The following CHCHD3 variants were observed in gnomAD, a reference collection of about 807,000 sequenced individuals.
The protein encoded by CHCHD3 is coiled-coil-helix-coiled-coil-helix domain containing 3.
Under a neutral mutation model 38.2 loss-of-function variants are expected in CHCHD3, and 20 were observed. The observed-to-expected ratio is 0.52, with a 90% CI of 0.37 to 0.76. The LOEUF (loss-of-function observed/expected upper bound fraction) is 0.76, where lower values mean the gene tolerates loss of function less well. Among genes scored for constraint, CHCHD3 ranks in the 30% least tolerant of loss-of-function variants. CHCHD3 has a pLI of 0.00. For synonymous variants in CHCHD3, 82 were observed against 100.0 expected, an observed-to-expected ratio of 0.82 and a Z score of 1.07; for missense variants, 245 against 279.2, an observed-to-expected ratio of 0.88 and a Z score of 0.87.
intron 4 of CHCHD3, among the ~76,000 whole-genome samples, chr7:132,936,501 C>T (rs1810636021): frequency 6.6e-6 from 1 of 152,190 alleles, no homozygotes; most frequent in South Asian, 2.1e-4. Context: ...AATTTTCACA[C>T]CAGCACACCT....
chr7:132,811,300 T>G (rs2117051580), intron 6 of CHCHD3, among the ~76,000 whole-genome samples: 1 of 152,352 alleles, frequency 6.6e-6, no homozygotes, highest in East Asian at 1.9e-4. Flanking sequence ...TCTAGAACAG[T>G]GCTATCCAAC....
chr7:133,074,777 T>C (rs1814927918), intron 1 of CHCHD3, among the ~76,000 whole-genome samples: 1 of 152,188 alleles, frequency 6.6e-6, no homozygotes. Flanking sequence ...GCTATAAGCT[T>C]TCATCTGAAA....
chr7:132,938,734 G>A (rs200472763), intron 4 of CHCHD3, among the ~76,000 whole-genome samples: 11 of 152,180 alleles, frequency 7.2e-5, no homozygotes, highest in South Asian at 4.2e-4. Flanking sequence ...GTGTGTCCCC[G>A]ACACCGGCAA....
At chr7:132,905,999 C>T (rs1809795970) in intron 4 of CHCHD3, among the ~76,000 whole-genome samples, 1 of 152,152 alleles carries the variant, frequency 6.6e-6, no homozygotes, top group South Asian at 2.1e-4. Context: ...TGGCTTGATC[C>T]TTTACACATT....
chr7:132,977,808 G>A (rs11766271), intron 3 of CHCHD3, among the ~76,000 whole-genome samples: 17,954 of 151,822 alleles, frequency 0.12, 1,267 homozygotes, highest in Middle Eastern at 0.18. Flanking sequence ...ACTTATGTAT[G>A]GCTTAGATTT....
intron 4 of CHCHD3, among the ~76,000 whole-genome samples, chr7:132,923,550 T>G (rs1810309318): frequency 6.6e-6 from 1 of 152,136 alleles, no homozygotes. Flanking sequence ...TCAAAAAAAT[T>G]CATAGCAACA....
chr7:133,076,873 T>C (rs978049951), intron 1 of CHCHD3, among the ~76,000 whole-genome samples: 1 of 152,250 alleles, frequency 6.6e-6, no homozygotes, highest in Non-Finnish European at 1.5e-5. Flanking sequence ...GTTTATCTTA[T>C]CTTCTTCCAG....
chr7:132,974,077 C>A, intron 4 of CHCHD3: 1 of 1,221,076 alleles, frequency 8.2e-7, no homozygotes. Flanking sequence ...ATACAAAAGG[C>A]AGAACATTAT....
At chr7:132,799,055 T>C (rs907340668) in intron 6 of CHCHD3, among the ~76,000 whole-genome samples, 1 of 146,446 alleles carries the variant, frequency 6.8e-6, no homozygotes, top group Non-Finnish European at 1.5e-5. Flanking sequence ...GTGTGTGCAG[T>C]CATCCTCTGA....
At chr7:132,874,600 T>C (rs1022266799) in intron 5 of CHCHD3, among the ~76,000 whole-genome samples, 11 of 152,142 alleles carry the variant, frequency 7.2e-5, no homozygotes, top group African/African-American at 2.7e-4. Flanking sequence ...GACTTTCCAT[T>C]GGTGGCATGC....
chr7:132,831,105 C>G (rs1223982801), intron 6 of CHCHD3, among the ~76,000 whole-genome samples: 1 of 152,130 alleles, frequency 6.6e-6, no homozygotes, highest in South Asian at 2.1e-4. Flanking sequence ...ATATCGCATT[C>G]TTTTCTTCTT....
chr7:132,962,931 GTA>G (rs1198997257), intron 4 of CHCHD3, among the ~76,000 whole-genome samples: 2 of 152,028 alleles, frequency 1.3e-5, no homozygotes, highest in African/African-American at 4.8e-5. Flanking sequence ...AATACATCCT[GTA>G]TCCAGAGGAA....
intron 4 of CHCHD3, among the ~76,000 whole-genome samples, chr7:132,971,702 C>T (rs1289835215): frequency 6.6e-6 from 1 of 152,198 alleles, no homozygotes; most frequent in Non-Finnish European, 1.5e-5. Context: ...CTTTCACCCT[C>T]GCTCTCCTGA....
chr7:133,082,083 C>G lies in CHCHD3; in HGVS notation c.-146G>C, dbSNP rs936264076. 5 of 707,268 alleles carry G rather than the reference C, an allele frequency of 7.1e-6. No homozygotes were observed. In the Admixed American group the frequency reaches 1.3e-4, roughly 19 times the overall value. 43.8% of individuals were successfully genotyped at this position (707,268 alleles called of 1,614,324 possible). On this transcript the variant is annotated 5_prime_UTR_variant, in exon 1 of 8. Coordinates refer to ENST00000262570, the MANE Select transcript of CHCHD3 (RefSeq NM_017812.4). ...GACCCCCAGAAGCAAGGAGAAGGCG[C>G]CGGTCCTGAGCTCCCGCCTCCTCCG...
At chr7:132,953,478 G>A (rs909813197) in intron 4 of CHCHD3, among the ~76,000 whole-genome samples, 2 of 152,104 alleles carry the variant, frequency 1.3e-5, no homozygotes, top group African/African-American at 4.8e-5. Context: ...GGACCAAATT[G>A]CCATTATACC....
chr7:132,943,720 T>C (rs757099727), intron 4 of CHCHD3, among the ~76,000 whole-genome samples: 1 of 152,170 alleles, frequency 6.6e-6, no homozygotes, highest in Non-Finnish European at 1.5e-5. Context: ...AAAACTTATA[T>C]ATGCAAACAA....
chr7:133,022,846 T>C (rs1813227538), intron 3 of CHCHD3, among the ~76,000 whole-genome samples: 2 of 96,008 alleles, frequency 2.1e-5, no homozygotes, highest in South Asian at 2.8e-4. Flanking sequence ...AGCTGAATAA[T>C]GAAGAAGAAG....
At chr7:133,037,495 G>T (rs1813712325) in intron 2 of CHCHD3, among the ~76,000 whole-genome samples, 1 of 152,126 alleles carries the variant, frequency 6.6e-6, no homozygotes, top group Non-Finnish European at 1.5e-5. Context: ...ACTGAAAAAA[G>T]CCTAAGGACA....
At chr7:132,996,166 T>C (rs1055482198) in intron 3 of CHCHD3, among the ~76,000 whole-genome samples, 3 of 152,246 alleles carry the variant, frequency 2.0e-5, no homozygotes, top group Non-Finnish European at 4.4e-5. Flanking sequence ...AAATGCTCCA[T>C]GTTCTGATTC....
Sources: gnomAD v4.1 joint callset for allele counts (sites outside exome capture counted in the v4.1 genomes callset) on GRCh38, gnomAD v4.1.1 for gene constraint, MANE v1.5 for transcripts, NCBI Gene and HGNC (gene_info 2026-07-23, HGNC 2026-07-21) for gene names.